The following ARHGAP25 variants were observed in gnomAD, a reference collection of about 807,000 sequenced individuals.
ARHGAP25 encodes rho GTPase-activating protein 25.
ARHGAP25 carries 34 observed loss-of-function variants against 71.0 expected under a neutral mutation model. The observed-to-expected ratio is 0.48, with a 90% CI of 0.36 to 0.64. The LOEUF (loss-of-function observed/expected upper bound fraction) is 0.64. ARHGAP25 is among the 30% of genes least tolerant of loss of function. The probability of loss-of-function intolerance (pLI) is 0.00; values close to 1 mark genes in which losing one functional copy is unlikely to be tolerated. For synonymous variants in ARHGAP25, 282 were observed against 296.5 expected, an observed-to-expected ratio of 0.95 and a Z score of 0.50; for missense variants, 706 against 805.1, an observed-to-expected ratio of 0.88 and a Z score of 1.49.
At chr2:68,791,679 C>A (rs1268607339) in intron 4 of ARHGAP25, among the ~76,000 whole-genome samples, 1 of 152,028 alleles carries the variant, frequency 6.6e-6, no homozygotes, top group Non-Finnish European at 1.5e-5. Flanking sequence ...GGGAATGAAT[C>A]CCAATTTTAA....
intron 4 of ARHGAP25, among the ~76,000 whole-genome samples, chr2:68,797,792 C>T (rs1459402170): frequency 2.6e-5 from 4 of 152,200 alleles, no homozygotes; most frequent in African/African-American, 7.2e-5. Context: ...GGTTAAGATT[C>T]GTGGTGTGGG....
chr2:68,776,976 A>G, intron 2 of ARHGAP25, among the ~76,000 whole-genome samples: 1 of 152,110 alleles, frequency 6.6e-6, no homozygotes, highest in African/African-American at 2.4e-5. Flanking sequence ...TCCTCCACTT[A>G]AGGGCTCTGA....
intron 4 of ARHGAP25, among the ~76,000 whole-genome samples, chr2:68,801,657 C>A (rs1679973500): frequency 6.6e-6 from 1 of 152,162 alleles, no homozygotes; most frequent in Admixed American, 6.5e-5. Context: ...CCATCACATA[C>A]CAGGTTCTGA....
At chr2:68,820,797 T>C (rs1484416412) in intron 9 of ARHGAP25, among the ~76,000 whole-genome samples, 1 of 117,152 alleles carries the variant, frequency 8.5e-6, no homozygotes. Flanking sequence ...TTTATGAAAA[T>C]ATAAGAAGAC....
intron 2 of ARHGAP25, among the ~76,000 whole-genome samples, chr2:68,776,303 G>A (rs1405870853): frequency 6.6e-6 from 1 of 152,238 alleles, no homozygotes; most frequent in South Asian, 2.1e-4. Flanking sequence ...AAGGACCTGA[G>A]CATTCACACT....
chr2:68,826,001 A>C lies in ARHGAP25; in HGVS notation c.1748A>C (p.Asn583Thr). 1 of 1,612,686 alleles carries C rather than the reference A, an allele frequency of 6.2e-7. No homozygotes were observed. Among genetic ancestry groups the C allele is most frequent in the Non-Finnish European group, 8.5e-7 (1 of 1,179,542 alleles). The change falls in exon 11 of 11, where the codon AAT (asparagine) becomes ACT (threonine). Residue 583 changes from asparagine to threonine, a missense_variant. Physicochemically the swap from Asn to Thr is moderately conservative, Grantham distance 65. Transcript: ENST00000409202. Reference protein sequence around the residue: ...EEQIKNLEKENYDVWAKVVRL... With the variant: ...EEQIKNLEKETYDVWAKVVRL... ...CTTCCTTGTAGCCTTGAGAAGGAAA[A>C]TTATGACGTTTGGGCTAAAGTGGTG... is the stretch of plus-strand genomic sequence containing the variant.
upstream of ARHGAP25, among the ~76,000 whole-genome samples, chr2:68,732,179 T>C (rs1675039055): frequency 6.6e-6 from 1 of 152,096 alleles, no homozygotes; most frequent in African/African-American, 2.4e-5. Flanking sequence ...AGCTCTGTGG[T>C]GGGGGAAGGC....
intron 4 of ARHGAP25, among the ~76,000 whole-genome samples, chr2:68,802,943 G>A (rs549215216): frequency 4.7e-5 from 7 of 149,240 alleles, no homozygotes; most frequent in East Asian, 2.0e-4. Context: ...ATACACATAT[G>A]TGTGTGTATA....
intron 4 of ARHGAP25, among the ~76,000 whole-genome samples, chr2:68,790,577 G>T (rs1679100478): frequency 6.6e-6 from 1 of 152,188 alleles, no homozygotes. Flanking sequence ...AAGTCACTGA[G>T]ACATGTGGCT....
intron 1 of ARHGAP25, among the ~76,000 whole-genome samples, chr2:68,764,691 G>A (rs1483493217): frequency 6.6e-6 from 1 of 152,122 alleles, no homozygotes; most frequent in Non-Finnish European, 1.5e-5. Context: ...GAGCTCTCAG[G>A]TCTCCATCTG....
intron 4 of ARHGAP25, among the ~76,000 whole-genome samples, chr2:68,792,154 TGA>T (rs1197708126): frequency 2.0e-5 from 3 of 152,242 alleles, no homozygotes; most frequent in African/African-American, 7.2e-5. Context: ...ATGAGCCATC[TGA>T]AGTTTTGCTC....
At chr2:68,774,963 C>T (rs1677763639) in intron 1 of ARHGAP25, 2 of 1,424,730 alleles carry the variant, frequency 1.4e-6, no homozygotes, top group Non-Finnish European at 1.8e-6. Flanking sequence ...CGCCGCGGTG[C>T]CGGACTGCCT....
chr2:68,735,987 T>C (rs1675193624), intron 1 of ARHGAP25, among the ~76,000 whole-genome samples: 1 of 152,206 alleles, frequency 6.6e-6, no homozygotes, highest in African/African-American at 2.4e-5. Flanking sequence ...AGATTTCTTC[T>C]ATTGCTAAAT....
intron 4 of ARHGAP25, among the ~76,000 whole-genome samples, chr2:68,802,290 C>G (rs565916081): frequency 6.6e-6 from 1 of 151,800 alleles, no homozygotes; most frequent in South Asian, 2.1e-4. Flanking sequence ...TGCCTGTAGT[C>G]CCAGCTACTC....
chr2:68,795,660 T>G (rs1383030129), intron 4 of ARHGAP25, among the ~76,000 whole-genome samples: 1 of 152,188 alleles, frequency 6.6e-6, no homozygotes, highest in Middle Eastern at 3.2e-3. Context: ...TAAAAATTTT[T>G]TGGGACTTGT....
intron 1 of ARHGAP25, among the ~76,000 whole-genome samples, chr2:68,745,027 G>A (rs549596044): frequency 7.9e-5 from 12 of 152,292 alleles, no homozygotes; most frequent in Admixed American, 5.2e-4. Flanking sequence ...ACTTAACTAC[G>A]AAGACATACC....
rs533782207 is a variant in ARHGAP25, at chr2:68,724,518, T to C, written c.-18+13820T>C. Among the ~76,000 whole-genome samples the C allele has an allele frequency of 1.9e-4, 29 of 152,260 alleles. No individual in the cohort carries two copies. The South Asian group carries it at 5.6e-3, about 29-fold the overall frequency. ...TGCTGACCCTCAGACCATTACCAAT[T>C]GTATTTGCTGATGTTCTTCCTGAGC... On this transcript the variant is annotated intron_variant and NMD_transcript_variant, in intron 2 of 7. Coordinates refer to the ARHGAP25 transcript ENST00000463483.
rs530976423 is a variant in ARHGAP25, at chr2:68,734,910, T to C, written c.-290T>C. 2.2e-4 allele frequency: 102 copies of C among 458,132 alleles called. No homozygotes were observed. Among genetic ancestry groups the C allele is most frequent in the African/African-American group, 1.9e-3 (94 of 50,362 alleles). 28.4% of individuals were successfully genotyped at this position (458,132 alleles called of 1,614,324 possible). ...AGGGAAGTGTCAACTGGGATATTTC[T>C]GGTAAAACTGAAAGCAAGAAAAGCA... On this transcript the variant is annotated 5_prime_UTR_variant, in exon 1 of 11. Coordinates refer to ENST00000409202, the MANE Select transcript of ARHGAP25 (RefSeq NM_001007231.3).
intron 10 of ARHGAP25, among the ~76,000 whole-genome samples, chr2:68,825,633 G>A (rs1198609800): frequency 6.6e-6 from 1 of 152,072 alleles, no homozygotes; most frequent in African/African-American, 2.4e-5. Flanking sequence ...AAATTAGCTG[G>A]GTATGGTGGC....
Sources: allele counts gnomAD v4.1 joint callset (sites outside exome capture counted in the v4.1 genomes callset), GRCh38; gene constraint gnomAD v4.1.1; transcripts MANE v1.5; gene names NCBI Gene and HGNC (gene_info 2026-07-23, HGNC 2026-07-21).